BDNF: variants seen among roughly 807,000 people sequenced by gnomAD.
The protein encoded by BDNF is neurotrophic factor BDNF precursor form.
A neutral mutation model predicts 19.5 loss-of-function variants in BDNF; 1 was observed. That is an observed-to-expected ratio of 0.05 (90% CI 0.02 to 0.24). BDNF has a LOEUF of 0.24. Ranked by LOEUF, BDNF falls within the 10% of genes least tolerant of loss-of-function variation. The pLI is 1.00. For synonymous variants in BDNF, 100 were observed against 121.6 expected, an observed-to-expected ratio of 0.82 and a Z score of 1.17; for missense variants, 195 against 317.6, an observed-to-expected ratio of 0.61 and a Z score of 2.93.
intron 1 of BDNF, among the ~76,000 whole-genome samples, chr11:27,691,766 ACT>A (rs1216012598): frequency 6.6e-6 from 1 of 152,066 alleles, no homozygotes; most frequent in Non-Finnish European, 1.5e-5. Flanking sequence ...AAAAAAAGTA[ACT>A]CTATCCATGC....
Position 27,657,752 on chromosome 11 carries a change from C to G in BDNF, c.*69G>C. 6.3e-6 allele frequency: 10 copies of G among 1,584,818 alleles called. No individual in the cohort carries two copies. In the South Asian group the frequency reaches 9.1e-5, roughly 14 times the overall value. The stretch of plus-strand genomic sequence containing the variant: ...TTTTTTTCTTAACTGAATAATTTAC[C>G]CTGTTATGTATATATACAAATAGAT... On this transcript the variant is annotated 3_prime_UTR_variant, in exon 2 of 2. Transcript: ENST00000356660. This position sits in a 1 kb window ranked among gnomAD's most constrained non-coding sequence, Gnocchi z 5.0.
rs191742860 is a variant in BDNF, at chr11:27,719,475, C to T, written c.3+1937G>A. The T allele has an allele frequency of 4.8e-3, 4,684 of 985,502 alleles. 12 individuals are homozygous for T. Among genetic ancestry groups the T allele is most frequent in the Non-Finnish European group, 5.2e-3 (4,337 of 830,056 alleles). 61.0% of individuals were successfully genotyped at this position (985,502 alleles called of 1,614,324 possible). ...AGGACCTTCTACTCCCAGGCGGAGG[C>T]TCCCCTTTCCCTGAGTTACCCCGAC... On this transcript the variant is annotated intron_variant, in intron 1 of 1. Transcript: ENST00000314915.
intron 1 of BDNF, among the ~76,000 whole-genome samples, chr11:27,667,131 G>C (rs539745201): frequency 1.3e-5 from 2 of 152,112 alleles, no homozygotes; most frequent in African/African-American, 4.8e-5. Context: ...TTAAAGAAAA[G>C]AATTTTCAAC....
chr11:27,657,997 C>G lies in BDNF; in HGVS notation c.568G>C (p.Gly190Arg). The change falls in exon 2 of 2, where the codon GGT becomes CGT. Residue 190 changes from glycine to arginine, a missense_variant. By Grantham distance (125) the Gly-to-Arg change is moderately radical. Transcript: ENST00000356660. The surrounding 1 kb of genome is among the most constrained non-coding windows in gnomAD (Gnocchi z 5.0). ...CCCCTGCAGCCTTCTTTTGTGTAAC[C>G]CATGGGATTGCACTTGGTCTCGTAG... ...YFYETKCNPM[G>R]YTKEGCRGID... 6.2e-7 allele frequency: 1 copy of G among 1,614,082 alleles called. No individual in the cohort carries two copies. The highest frequency in any genetic ancestry group is 2.2e-5 in the East Asian group (1 of 44,870).
At chr11:27,716,094 T>C (rs1860495751) in intron 1 of BDNF, among the ~76,000 whole-genome samples, 1 of 152,186 alleles carries the variant, frequency 6.6e-6, no homozygotes, top group Non-Finnish European at 1.5e-5. Flanking sequence ...CATAGTGTTT[T>C]AAGGGTATTA....
upstream of BDNF, chr11:27,700,713 C>A: frequency 8.5e-7 from 1 of 1,171,382 alleles, no homozygotes; most frequent in Non-Finnish European, 1.1e-6. Flanking sequence ...CCCTGCGAGT[C>A]CTGCGCCCTC....
intron 1 of BDNF, among the ~76,000 whole-genome samples, chr11:27,689,409 T>C (rs1016420073): frequency 2.0e-5 from 3 of 152,250 alleles, no homozygotes; most frequent in African/African-American, 4.8e-5. Context: ...GAATGAGATA[T>C]GTGAATGCAT....
intron 1 of BDNF, among the ~76,000 whole-genome samples, chr11:27,669,945 C>T (rs536477645): frequency 1.5e-4 from 23 of 152,198 alleles, no homozygotes; most frequent in South Asian, 8.3e-4. Flanking sequence ...GAGCCCGCAT[C>T]GCCAAGACAA....
intron 1 of BDNF, among the ~76,000 whole-genome samples, chr11:27,687,553 T>C (rs1231926900): frequency 6.6e-6 from 1 of 152,224 alleles, no homozygotes; most frequent in Non-Finnish European, 1.5e-5. Context: ...GATTTATCTA[T>C]GTTTGATCTT....
intron 1 of BDNF, among the ~76,000 whole-genome samples, chr11:27,667,106 C>T (rs1590267215): frequency 6.6e-6 from 1 of 152,106 alleles, no homozygotes; most frequent in African/African-American, 2.4e-5. Flanking sequence ...GAGTGGGGGC[C>T]AATATTCAAC....
chr11:27,697,650 TA>T (rs1426453119), intron 1 of BDNF: 2 of 152,176 alleles, frequency 1.3e-5, no homozygotes, highest in East Asian at 3.8e-4. Context: ...GGTTTGCAAG[TA>T]AAAGTTACAC....
rs144235869 is a variant in BDNF, at chr11:27,658,118, C to T, written c.447G>A (p.Thr149=). 295 of 1,614,114 alleles carry T rather than the reference C, an allele frequency of 1.8e-4. No homozygotes were observed. The highest frequency in any genetic ancestry group is 6.6e-4 in the Middle Eastern group (4 of 6,062). Residue 149 remains threonine (T), a synonymous_variant, in exon 2 of 2, where the codon ACG becomes ACA. Coordinates refer to ENST00000356660, the MANE Select transcript of BDNF (RefSeq NM_001709.5). This position sits in a 1 kb window ranked among gnomAD's most constrained non-coding sequence, Gnocchi z 5.7. The stretch of plus-strand genomic sequence containing the variant: ...CCACTGCAGTCTTTTTGTCTGCCGC[C>T]GTTACCCACTCACTAATACTGTCAC... ...SVCDSISEWV[T]AADKKTAVDM...
chr11:27,703,328 G>A (rs1859986720), upstream of BDNF, among the ~76,000 whole-genome samples: 1 of 152,188 alleles, frequency 6.6e-6, no homozygotes, highest in Non-Finnish European at 1.5e-5. Context: ...TAAAGGACTG[G>A]AGGAACCCTA....
At chr11:27,699,394 C>T (rs1175609560) in intron 1 of BDNF, 1 of 1,614,146 alleles carries the variant, frequency 6.2e-7, no homozygotes, top group South Asian at 1.1e-5. Flanking sequence ...ATTCCTCTTC[C>T]CGGCTCTGCA....
chr11:27,694,028 C>T (rs1858651120), intron 1 of BDNF, among the ~76,000 whole-genome samples: 1 of 151,922 alleles, frequency 6.6e-6, no homozygotes, highest in Non-Finnish European at 1.5e-5. Context: ...ATGAATAACA[C>T]AAAGCACAAA....
chr11:27,683,065 C>G (rs971550049), intron 1 of BDNF, among the ~76,000 whole-genome samples: 4 of 152,204 alleles, frequency 2.6e-5, no homozygotes, highest in Admixed American at 6.5e-5. Flanking sequence ...TCCTCTCCTG[C>G]ATCTGTTGTT....
At chr11:27,712,338 A>T (rs958237244) in intron 1 of BDNF, among the ~76,000 whole-genome samples, 2 of 152,224 alleles carry the variant, frequency 1.3e-5, no homozygotes, top group African/African-American at 4.8e-5. Flanking sequence ...TTCAAAATAC[A>T]TTGATACTTA....
intron 1 of BDNF, among the ~76,000 whole-genome samples, chr11:27,697,164 CAGAGAGAGAGAGAGAG>C (rs72348822): frequency 1.5e-5 from 2 of 133,086 alleles, no homozygotes; most frequent in Admixed American, 7.5e-5. Flanking sequence ...CACACACACA[CAGAGAGAGAGAGAGAG>C]AGAGAGAGAG....
chr11:27,656,724 T>C lies in BDNF; in HGVS notation c.*1097A>G, dbSNP rs1015961772. On this transcript the variant is annotated 3_prime_UTR_variant, in exon 2 of 2. Coordinates refer to ENST00000356660, the MANE Select transcript of BDNF (RefSeq NM_001709.5). ...TTGTTAAGCCTCACCATGAGTTTTT[T>C]TTAAGCTTAGCCATGATTTACCCAA... 3.0e-6 allele frequency: 3 copies of C among 985,304 alleles called. No individual in the cohort carries two copies. The African/African-American group carries it at 5.2e-5, about 17-fold the overall frequency. 61.0% of individuals were successfully genotyped at this position (985,304 alleles called of 1,614,324 possible). A position where few individuals can be genotyped will look rare whatever the true frequency, so the allele number is the denominator to read the frequency against.
Sources: gnomAD v4.1 joint callset for allele counts (sites outside exome capture counted in the v4.1 genomes callset) on GRCh38, gnomAD v4.1.1 for gene constraint, Gnocchi (gnomAD v3.1) non-coding constraint, MANE v1.5 for transcripts, NCBI Gene and HGNC (gene_info 2026-07-23, HGNC 2026-07-21) for gene names.